FADS3: variants seen among roughly 807,000 people sequenced by gnomAD.
FADS3 encodes fatty acid desaturase 3, also known as cytochrome b5-related protein.
A neutral mutation model predicts 60.4 loss-of-function variants in FADS3; 30 were observed. The ratio of observed to expected loss-of-function variants is 0.50; its 90% CI spans 0.37 to 0.67. FADS3 has a LOEUF of 0.67. FADS3 is among the 30% of genes least tolerant of loss of function. The pLI, the probability that FADS3 is intolerant of heterozygous loss-of-function variation, is 0.00. For missense variants in FADS3, 432 were observed against 598.3 expected, an observed-to-expected ratio of 0.72 and a Z score of 2.90; for synonymous variants, 234 against 249.3, an observed-to-expected ratio of 0.94 and a Z score of 0.58.
chr11:61,878,955 C>A, intron 3 of FADS3, 108 bp from the exon 4 acceptor site: 1 of 841,948 alleles, frequency 1.2e-6, no homozygotes, highest in Non-Finnish European at 1.9e-6. Context: ...GCTAATGCTC[C>A]ATTTCAAGAC....
At chr11:61,879,699 A>G (rs767031291) in intron 2 of FADS3, among the ~76,000 whole-genome samples, 190 bp from the exon 3 acceptor site, 12 of 152,238 alleles carry the variant, frequency 7.9e-5, no homozygotes, top group Non-Finnish European at 1.2e-4. Flanking sequence ...CTCCCTCCCA[A>G]AAGGTATGGG....
rs150299862 is a variant in FADS3, at chr11:61,885,768, G to A, written c.213+5401C>T. Among the ~76,000 whole-genome samples, 1,324 of 152,198 alleles carry A rather than the reference G, an allele frequency of 8.7e-3. 20 individuals are homozygous for A. The highest frequency in any genetic ancestry group is 0.03 in the African/African-American group (1,261 of 41,502). ...GGCTGCTGAGGGCTCAGGTGGTCGG[G>A]GTCTGTCCTCGCTGCCTTCTCATGC... On this transcript the variant is annotated intron_variant, in intron 1 of 11. Coordinates refer to ENST00000278829, the MANE Select transcript of FADS3 (RefSeq NM_021727.5).
At chr11:61,883,453 A>ATG (rs1938203634) in intron 1 of FADS3, among the ~76,000 whole-genome samples, 1 of 152,188 alleles carries the variant, frequency 6.6e-6, no homozygotes, top group South Asian at 2.1e-4. Flanking sequence ...CCAGACACAC[A>ATG]CGCACATGCA....
chr11:61,879,470 C>A lies in FADS3; in HGVS notation c.364G>T (p.Ala122Ser), dbSNP rs1257042850. 1 of 1,602,688 alleles carries A rather than the reference C, an allele frequency of 6.2e-7. No homozygotes were observed. The highest frequency in any genetic ancestry group is 8.5e-7 in the Non-Finnish European group (1 of 1,175,932). Reference sequence around the variant, plus strand: ...GCATCAAACAGCTTCATGTCCTCGGCTGCCTGGTGCAGGGCTCGGAAGTCC... The same window carrying A: ...GCATCAAACAGCTTCATGTCCTCGGATGCCTGGTGCAGGGCTCGGAAGTCC... Reference protein sequence around the residue: ...VEDFRALHQAAEDMKLFDASP... With the variant: ...VEDFRALHQASEDMKLFDASP... Residue 122 changes from alanine (A) to serine (S), a missense_variant, in exon 3 of 12, where the codon GCC (alanine) becomes TCC (serine). Physicochemically the swap from Ala to Ser is moderately conservative, Grantham distance 99. This residue lies in a region of FADS3 where 167 missense variants were observed against 188.8 expected (regional missense o/e 0.88). Transcript: ENST00000278829.
chr11:61,877,988 T>A lies in FADS3; in HGVS notation c.808+167A>T, dbSNP rs2135992575. Reference sequence around the variant, plus strand: ...GGAGACAGCTGGGGCAAAGGCATGCTGCTGGGAGAGTGTGTACAGACTGCA... The same window carrying A: ...GGAGACAGCTGGGGCAAAGGCATGCAGCTGGGAGAGTGTGTACAGACTGCA... On this transcript the variant is annotated intron_variant, in intron 6 of 11. Coordinates refer to ENST00000278829, the MANE Select transcript of FADS3 (RefSeq NM_021727.5). The surrounding 1 kb of genome is among the most constrained non-coding windows in gnomAD (Gnocchi z 4.7). 1.5e-6 allele frequency: 1 copy of A among 675,570 alleles called. No homozygotes were observed. The allele number at this position is 675,570 out of a possible 1,614,324, so 41.8% of individuals were successfully genotyped here. A position where few individuals can be genotyped will look rare whatever the true frequency, so the allele number is the denominator to read the frequency against.
chr11:61,891,512 G>A lies in FADS3; in HGVS notation c.-131C>T. ...GCTCCGGCCCCGCCCTGCCGCCGCG[G>A]CCGCCGTACGAGCGAGCGTGCGCCT... On this transcript the variant is annotated 5_prime_UTR_variant, in exon 1 of 12. Transcript: ENST00000278829. The A allele has an allele frequency of 1.8e-6, 1 of 548,016 alleles. No homozygotes were observed. Among genetic ancestry groups the A allele is most frequent in the East Asian group, 4.0e-5 (1 of 24,794 alleles). 33.9% of individuals were successfully genotyped at this position (548,016 alleles called of 1,614,324 possible).
In FADS3 at chr11:61,879,513, C is replaced by A; in HGVS notation, c.325-4G>T. 1 of 1,589,864 alleles carries A rather than the reference C, an allele frequency of 6.3e-7. No individual in the cohort carries two copies. Among genetic ancestry groups the A allele is most frequent in the Non-Finnish European group, 8.5e-7 (1 of 1,169,912 alleles). ...GGAAGTCCTCGACCAGCTGCGCCTG[C>A]CATAGCAGAGGGGCCGATCAGCCAA... On this transcript the variant is annotated splice_region_variant and splice_polypyrimidine_tract_variant and intron_variant, in intron 2 of 11. Transcript: ENST00000278829.
chr11:61,879,405 C>G lies in FADS3; in HGVS notation c.429G>C (p.Leu143=). The change falls in exon 3 of 12, where the codon CTG becomes CTC. Residue 143 remains leucine, a synonymous_variant. Transcript: ENST00000278829. ...GGAGCCAGGCCAGCACCTCCATGGC[C>G]AGGATGTGGCCCAGTAGGAAAGCAA... ...TFFAFLLGHI[L]AMEVLAWLLI... is the part of the protein sequence containing the mutation. The G allele has an allele frequency of 6.3e-7, 1 of 1,594,390 alleles. No homozygotes were observed. Among genetic ancestry groups the G allele is most frequent in the Non-Finnish European group, 8.5e-7 (1 of 1,171,462 alleles).
intron 5 of FADS3, 102 bp from the exon 6 acceptor site, chr11:61,878,317 C>T: frequency 7.1e-7 from 1 of 1,403,476 alleles, no homozygotes; most frequent in Non-Finnish European, 1.0e-6. Context: ...AAAGGCAACT[C>T]TAGATTCTAG....
intron 1 of FADS3, among the ~76,000 whole-genome samples, chr11:61,887,775 T>A (rs761994336): frequency 6.6e-6 from 1 of 152,184 alleles, no homozygotes; most frequent in Admixed American, 6.5e-5. Flanking sequence ...GAGTCAAACA[T>A]TGAAGAATCA....
Position 61,877,865 on chromosome 11 carries a change from G to A in FADS3, c.809-278C>T. ...ACTGCCCAAAGACTCTAGGGCTCCG[G>A]ACCACTCTAGTGAGGGCAAGAAGAA... On this transcript the variant is annotated intron_variant, in intron 6 of 11. Transcript: ENST00000278829. This position sits in a 1 kb window ranked among gnomAD's most constrained non-coding sequence, Gnocchi z 4.7. 1 of 594,616 alleles carries A rather than the reference G, an allele frequency of 1.7e-6. No homozygotes were observed. Among genetic ancestry groups the A allele is most frequent in the Non-Finnish European group, 3.0e-6 (1 of 333,148 alleles). 36.8% of individuals were successfully genotyped at this position (594,616 alleles called of 1,614,324 possible).
At chr11:61,874,801 G>A (rs990648256) in intron 11 of FADS3, among the ~76,000 whole-genome samples, 11 of 151,830 alleles carry the variant, frequency 7.2e-5, no homozygotes, top group Admixed American at 1.3e-4. Context: ...AGAAACTGCC[G>A]CCCCTGCCTG....
intron 11 of FADS3, among the ~76,000 whole-genome samples, chr11:61,875,071 C>T (rs973022140): frequency 9.2e-5 from 14 of 152,314 alleles, no homozygotes; most frequent in South Asian, 6.2e-4. Flanking sequence ...CTCTTGTAGA[C>T]GCTTATCTAA....
chr11:61,879,517 A>G lies in FADS3; in HGVS notation c.325-8T>C. On this transcript the variant is annotated splice_region_variant and splice_polypyrimidine_tract_variant and intron_variant, in intron 2 of 11. Coordinates refer to ENST00000278829, the MANE Select transcript of FADS3 (RefSeq NM_021727.5). ...GTCCTCGACCAGCTGCGCCTGCCAT[A>G]GCAGAGGGGCCGATCAGCCAAGGAA... The G allele has an allele frequency of 6.3e-7, 1 of 1,588,828 alleles. No homozygotes were observed. Among genetic ancestry groups the G allele is most frequent in the Non-Finnish European group, 8.6e-7 (1 of 1,169,362 alleles).
rs367768845 is a variant in FADS3 at position 61,876,838 on chromosome 11, T to C, written c.983+28A>G. On this transcript the variant is annotated intron_variant, in intron 8 of 11. Transcript: ENST00000278829. The surrounding 1 kb of genome is among the most constrained non-coding windows in gnomAD (Gnocchi z 5.7). ...TGCAGTGGGGGTCACCTGTCGCCTG[T>C]GTGTGACCTCGCCACTCCCTGCCAT... The C allele has an allele frequency of 4.5e-6, 7 of 1,555,038 alleles. No individual in the cohort carries two copies. In the African/African-American group the frequency reaches 8.1e-5, roughly 18 times the overall value.
At chr11:61,891,059 A>G in intron 1 of FADS3, 110 bp downstream of exon 1, 1 of 967,878 alleles carries the variant, frequency 1.0e-6, no homozygotes, top group Non-Finnish European at 1.6e-6. Context: ...GTCAAAGGTC[A>G]GCGAGGGGAG....
chr11:61,873,788 CTT>C lies in FADS3; in HGVS notation c.*24_*25del. 1.2e-6 allele frequency: 2 copies of C among 1,602,600 alleles called. No individual in the cohort carries two copies. The highest frequency in any genetic ancestry group is 1.7e-6 in the Non-Finnish European group (2 of 1,174,374). Reference sequence around the variant, plus strand: ...GGCTTGGTTGCTGGTGCCCTGAGCCCTTCTCTGCCCGCCTGGGTGTTGCCTTC... The same window carrying C: ...GGCTTGGTTGCTGGTGCCCTGAGCCCCTCTGCCCGCCTGGGTGTTGCCTTC... On this transcript the variant is annotated 3_prime_UTR_variant, in exon 12 of 12. Coordinates refer to ENST00000278829, the MANE Select transcript of FADS3 (RefSeq NM_021727.5).
At chr11:61,885,136 C>T (rs1030865152) in intron 1 of FADS3, among the ~76,000 whole-genome samples, 3 of 152,192 alleles carry the variant, frequency 2.0e-5, no homozygotes, top group African/African-American at 7.2e-5. Context: ...ACAGAGACAG[C>T]TCAGCCTGGC....
rs976604464 is a variant in FADS3, at chr11:61,876,620, T to C, written c.984-165A>G. ...TGTTTAAAGAATCTGAATGGAGCAGTGTCCACTGTGAGGCTGAGTCCAGAG... is the reference window on the plus strand; with the variant it reads ...TGTTTAAAGAATCTGAATGGAGCAGCGTCCACTGTGAGGCTGAGTCCAGAG... On this transcript the variant is annotated intron_variant, in intron 8 of 11. Coordinates refer to ENST00000278829, the MANE Select transcript of FADS3 (RefSeq NM_021727.5). The surrounding 1 kb of genome is among the most constrained non-coding windows in gnomAD (Gnocchi z 5.7). 3 of 671,038 alleles carry C rather than the reference T, an allele frequency of 4.5e-6. No homozygotes were observed. Among genetic ancestry groups the C allele is most frequent in the Non-Finnish European group, 7.9e-6 (3 of 378,692 alleles). The allele number at this position is 671,038 out of a possible 1,614,324, so 41.6% of individuals were successfully genotyped here.
Sources: allele counts gnomAD v4.1 joint callset (sites outside exome capture counted in the v4.1 genomes callset), GRCh38; gene constraint gnomAD v4.1.1; regional missense constraint gnomAD v4.1.1; non-coding constraint Gnocchi (gnomAD v3.1); transcripts MANE v1.5; gene names NCBI Gene and HGNC (gene_info 2026-07-23, HGNC 2026-07-21).